Variants in ELOVL6 observed in about 807,000 individuals in gnomAD.
ELOVL6 encodes ELOVL fatty acid elongase 6.
ELOVL6 carries 8 observed loss-of-function variants against 31.7 expected under a neutral mutation model. The ratio of observed to expected loss-of-function variants is 0.25; its 90% CI spans 0.15 to 0.45. ELOVL6 has a LOEUF of 0.45. Ranked by LOEUF, ELOVL6 falls within the 20% of genes least tolerant of loss-of-function variation. The pLI is 1.00. For missense variants in ELOVL6, 126 were observed against 326.4 expected, an observed-to-expected ratio of 0.39 and a Z score of 4.73; for synonymous variants, 101 against 117.7, an observed-to-expected ratio of 0.86 and a Z score of 0.92.
At chr4:110,155,084 T>C (rs1320972932) in intron 1 of ELOVL6, among the ~76,000 whole-genome samples, 1 of 152,226 alleles carries the variant, frequency 6.6e-6, no homozygotes, top group Non-Finnish European at 1.5e-5. Context: ...TGCTATTATA[T>C]ACTAATATAT....
intron 1 of ELOVL6, among the ~76,000 whole-genome samples, chr4:110,128,930 T>G (rs1296966908): frequency 3.3e-5 from 5 of 152,122 alleles, no homozygotes; most frequent in Admixed American, 2.6e-4. Flanking sequence ...GCTGGACTGA[T>G]GAGGATAGAT....
chr4:110,152,145 C>A (rs570588922), intron 1 of ELOVL6, among the ~76,000 whole-genome samples: 7 of 152,112 alleles, frequency 4.6e-5, no homozygotes, highest in Admixed American at 3.3e-4. Context: ...ATATGCCCCC[C>A]CAAAATATCT....
rs563927391 is a variant in ELOVL6, at chr4:110,192,284, T to C, written c.89+5963A>G. 7.9e-5 allele frequency among the ~76,000 whole-genome samples: 12 copies of C among 152,242 alleles called. No homozygotes were observed. The East Asian group carries it at 2.3e-3, about 29-fold the overall frequency. Reference sequence around the variant, plus strand: ...AGGCAACTCTTAGATATGGAATAAGTTGACTTTGAAGTTTCCAGCCATTTT... The same window carrying C: ...AGGCAACTCTTAGATATGGAATAAGCTGACTTTGAAGTTTCCAGCCATTTT... On this transcript the variant is annotated intron_variant, in intron 1 of 3. Coordinates refer to ENST00000302274, the MANE Select transcript of ELOVL6 (RefSeq NM_024090.3).
At chr4:110,151,566 T>A (rs1420096516) in intron 1 of ELOVL6, among the ~76,000 whole-genome samples, 6 of 152,156 alleles carry the variant, frequency 3.9e-5, no homozygotes, top group Admixed American at 3.9e-4. Context: ...GTTTGACCTA[T>A]GGGATAGATG....
chr4:110,098,537 C>G (rs1173655950), intron 2 of ELOVL6, among the ~76,000 whole-genome samples: 1 of 152,046 alleles, frequency 6.6e-6, no homozygotes, highest in Non-Finnish European at 1.5e-5. Context: ...ATTGAAGCCC[C>G]CTTTGGACTC....
At chr4:110,169,805 TTC>T (rs1014172074) in intron 1 of ELOVL6, among the ~76,000 whole-genome samples, 3 of 148,164 alleles carry the variant, frequency 2.0e-5, no homozygotes, top group African/African-American at 7.7e-5. Context: ...TTTTCTTTCT[TTC>T]TTTTTTTTTT....
intron 2 of ELOVL6, among the ~76,000 whole-genome samples, chr4:110,103,456 A>G (rs1381868158): frequency 3.9e-5 from 6 of 152,152 alleles, no homozygotes; most frequent in African/African-American, 1.4e-4. Flanking sequence ...CATGCTAACT[A>G]ACTTAAAAAA....
intron 1 of ELOVL6, among the ~76,000 whole-genome samples, chr4:110,114,617 T>A (rs539152332): frequency 1.3e-5 from 2 of 152,170 alleles, no homozygotes; most frequent in Non-Finnish European, 2.9e-5. Context: ...CCCCTATGGA[T>A]GACCAACACC....
chr4:110,182,892 G>T (rs1759330943), intron 1 of ELOVL6, among the ~76,000 whole-genome samples: 1 of 151,286 alleles, frequency 6.6e-6, no homozygotes, highest in South Asian at 2.1e-4. Flanking sequence ...TGGGCAACAA[G>T]AACAAAACTC....
rs191749686 is a variant in ELOVL6 at position 110,120,747 on chromosome 4, T to C, written c.90-15119A>G. On this transcript the variant is annotated intron_variant, in intron 1 of 3. Transcript: ENST00000302274. ...GTTACACTTCTCAACCACTACATTGTATACCAGGAATGTTACACTTCTCAG... is the reference window on the plus strand; with the variant it reads ...GTTACACTTCTCAACCACTACATTGCATACCAGGAATGTTACACTTCTCAG... Among the ~76,000 whole-genome samples the C allele has an allele frequency of 2.2e-3, 328 of 152,146 alleles. 1 individual carries two copies. Among genetic ancestry groups the C allele is most frequent in the Admixed American group, 4.7e-3 (72 of 15,272 alleles).
At chr4:110,181,982 G>A (rs893772685) in intron 1 of ELOVL6, among the ~76,000 whole-genome samples, 4 of 152,134 alleles carry the variant, frequency 2.6e-5, no homozygotes, top group Non-Finnish European at 5.9e-5. Flanking sequence ...GAAGATATTT[G>A]TTAACCACGT....
At chr4:110,134,734 AG>A (rs1162707222) in intron 1 of ELOVL6, among the ~76,000 whole-genome samples, 1 of 152,088 alleles carries the variant, frequency 6.6e-6, no homozygotes, top group Non-Finnish European at 1.5e-5. Flanking sequence ...TTGAGGTAGG[AG>A]GATCACTTGA....
intron 1 of ELOVL6, among the ~76,000 whole-genome samples, chr4:110,116,225 C>T (rs1349914676): frequency 6.6e-6 from 1 of 152,180 alleles, no homozygotes; most frequent in Non-Finnish European, 1.5e-5. Flanking sequence ...AGAAGATGGG[C>T]ACATTTTTGA....
At chr4:110,065,249 GTTTTA>G (rs1287375223) in intron 2 of ELOVL6, among the ~76,000 whole-genome samples, 1 of 152,126 alleles carries the variant, frequency 6.6e-6, no homozygotes, top group Non-Finnish European at 1.5e-5. Flanking sequence ...TTGTTTTCAG[GTTTTA>G]TTTTTTCTTG....
intron 1 of ELOVL6, among the ~76,000 whole-genome samples, chr4:110,178,682 C>T (rs1461968986): frequency 3.3e-5 from 5 of 151,992 alleles, no homozygotes; most frequent in Admixed American, 1.3e-4. Context: ...AGTGAGACCT[C>T]GTCTCTACAA....
intron 2 of ELOVL6, among the ~76,000 whole-genome samples, chr4:110,101,146 TA>T (rs1756729147): frequency 6.6e-6 from 1 of 152,178 alleles, no homozygotes; most frequent in Non-Finnish European, 1.5e-5. Flanking sequence ...TTCAAACGAT[TA>T]TCCTGCCTCA....
chr4:110,069,433 C>G (rs1056229197), intron 2 of ELOVL6, among the ~76,000 whole-genome samples: 20 of 152,054 alleles, frequency 1.3e-4, no homozygotes, highest in African/African-American at 3.9e-4. Context: ...GCCCATCTCC[C>G]AGACTAAACA....
chr4:110,148,926 T>C (rs1342745781), intron 1 of ELOVL6, among the ~76,000 whole-genome samples: 1 of 152,236 alleles, frequency 6.6e-6, no homozygotes, highest in Non-Finnish European at 1.5e-5. Context: ...AGTGCTACCA[T>C]CACAGCTCAC....
At chr4:110,160,106 A>G (rs1758588706) in intron 1 of ELOVL6, among the ~76,000 whole-genome samples, 4 of 151,672 alleles carry the variant, frequency 2.6e-5, no homozygotes, top group African/African-American at 7.3e-5. Flanking sequence ...ACACACACAC[A>G]CACACAAACA....
Sources: allele counts gnomAD v4.1 joint callset (sites outside exome capture counted in the v4.1 genomes callset), GRCh38; gene constraint gnomAD v4.1.1; transcripts MANE v1.5; gene names NCBI Gene and HGNC (gene_info 2026-07-23, HGNC 2026-07-21).